The following MGAT4C variants were observed in gnomAD, a reference collection of about 807,000 sequenced individuals.
The protein encoded by MGAT4C is MGAT4 family member C, also known as alpha-1,3-mannosyl-glycoprotein 4-beta-N-acetylglucosaminyltransferase C.
In MGAT4C, 19 loss-of-function variants were observed where a neutral mutation model predicts 40.1. That is an observed-to-expected ratio of 0.47 (90% CI 0.33 to 0.70). MGAT4C has a LOEUF of 0.70. Among genes scored for constraint, MGAT4C ranks in the 30% least tolerant of loss-of-function variants. The pLI, the probability that MGAT4C is intolerant of heterozygous loss-of-function variation, is 0.02. For missense variants in MGAT4C, 491 were observed against 563.2 expected, an observed-to-expected ratio of 0.87 and a Z score of 1.30; for synonymous variants, 181 against 187.1, an observed-to-expected ratio of 0.97 and a Z score of 0.27.
intron 3 of MGAT4C, among the ~76,000 whole-genome samples, chr12:86,421,553 A>G (rs1055556550): frequency 6.6e-6 from 1 of 152,116 alleles, no homozygotes; most frequent in Non-Finnish European, 1.5e-5. Context: ...AGGGGGATCA[A>G]TTGAGGTCAG....
chr12:86,497,086 A>C (rs927574764), intron 2 of MGAT4C, among the ~76,000 whole-genome samples: 14 of 152,056 alleles, frequency 9.2e-5, no homozygotes, highest in African/African-American at 2.9e-4. Flanking sequence ...ACAAAAATGC[A>C]AATATTTTCA....
intron 2 of MGAT4C, among the ~76,000 whole-genome samples, chr12:86,587,038 C>T (rs1301302786): frequency 6.6e-6 from 1 of 151,992 alleles, no homozygotes; most frequent in Non-Finnish European, 1.5e-5. Context: ...ATGCCTATGT[C>T]CTGAATGGTA....
intron 2 of MGAT4C, among the ~76,000 whole-genome samples, chr12:86,537,138 G>T (rs565786190): frequency 6.6e-6 from 1 of 151,756 alleles, no homozygotes; most frequent in African/African-American, 2.4e-5. Context: ...ACCAAACACC[G>T]CATGTTCTCA....
chr12:86,784,366 T>A (rs943381096), intron 1 of MGAT4C, among the ~76,000 whole-genome samples: 7 of 152,102 alleles, frequency 4.6e-5, no homozygotes, highest in Non-Finnish European at 8.8e-5. Flanking sequence ...CCTTCATTAC[T>A]CTTGTATTTT....
At chr12:86,138,477 C>CCATATATATATTTCCATAAATATAT (rs1882303814) in intron 1 of MGAT4C, among the ~76,000 whole-genome samples, 2 of 125,058 alleles carry the variant, frequency 1.6e-5, no homozygotes, top group African/African-American at 5.9e-5. Context: ...CCATATATAT[C>CCATATATATATTTCCATAAATATAT]CATATATATA....
At chr12:86,758,375 C>CTTTT (rs55666476) in intron 1 of MGAT4C, among the ~76,000 whole-genome samples, 1 of 122,516 alleles carries the variant, frequency 8.2e-6, no homozygotes, top group African/African-American at 3.4e-5. Context: ...TGTCCGAATC[C>CTTTT]TTTTTTTTTT....
At chr12:86,298,905 T>C (rs1953744456) in intron 4 of MGAT4C, among the ~76,000 whole-genome samples, 1 of 149,908 alleles carries the variant, frequency 6.7e-6, no homozygotes, top group Non-Finnish European at 1.5e-5. Flanking sequence ...AATTTATTTA[T>C]ATTTTCTATA....
At chr12:86,536,043 A>C (rs929276755) in intron 2 of MGAT4C, among the ~76,000 whole-genome samples, 7 of 152,144 alleles carry the variant, frequency 4.6e-5, no homozygotes, top group African/African-American at 7.2e-5. Flanking sequence ...TTTAAAAGAT[A>C]ATAATGAGTA....
At chr12:86,736,763 C>A (rs1270346684) in intron 1 of MGAT4C, among the ~76,000 whole-genome samples, 1 of 151,792 alleles carries the variant, frequency 6.6e-6, no homozygotes, top group East Asian at 1.9e-4. Context: ...GAAAGAAAAT[C>A]ATTTAAAAGA....
intron 1 of MGAT4C, among the ~76,000 whole-genome samples, chr12:86,781,656 C>T (rs924943154): frequency 6.6e-6 from 1 of 152,090 alleles, no homozygotes; most frequent in African/African-American, 2.4e-5. Flanking sequence ...ATGACAACAT[C>T]CCTGTCCTCA....
intron 2 of MGAT4C, among the ~76,000 whole-genome samples, chr12:86,507,095 ATTAT>A (rs1213041228): frequency 6.6e-6 from 1 of 152,202 alleles, no homozygotes; most frequent in Non-Finnish European, 1.5e-5. Flanking sequence ...TTTTAAAGTT[ATTAT>A]GGCAAACAAC....
intron 1 of MGAT4C, among the ~76,000 whole-genome samples, chr12:86,792,739 G>T (rs1247088807): frequency 1.3e-5 from 2 of 151,974 alleles, no homozygotes; most frequent in African/African-American, 4.8e-5. Flanking sequence ...CAAGACCAGC[G>T]CAAACAACAT....
At chr12:86,168,381 A>G (rs753680497) in intron 1 of MGAT4C, among the ~76,000 whole-genome samples, 25 of 152,210 alleles carry the variant, frequency 1.6e-4, no homozygotes, top group Non-Finnish European at 3.4e-4. Flanking sequence ...AGCATCACTT[A>G]TTCAGCATTT....
At chr12:86,688,044 T>G (rs1950104529) in intron 2 of MGAT4C, among the ~76,000 whole-genome samples, 1 of 152,294 alleles carries the variant, frequency 6.6e-6, no homozygotes, top group East Asian at 1.9e-4. Context: ...TTATTTAGGA[T>G]AGTTAGTTCT....
chr12:86,076,258 A>T (rs1233635288), intron 1 of MGAT4C, among the ~76,000 whole-genome samples: 1 of 152,172 alleles, frequency 6.6e-6, no homozygotes, highest in Non-Finnish European at 1.5e-5. Flanking sequence ...GTTCCCAACA[A>T]GTTCCTCATC....
intron 3 of MGAT4C, among the ~76,000 whole-genome samples, chr12:86,390,649 A>G (rs1956145907): frequency 6.6e-6 from 1 of 152,200 alleles, no homozygotes; most frequent in African/African-American, 2.4e-5. Context: ...TGCCAGTTTC[A>G]TCCCAAAATT....
intron 1 of MGAT4C, among the ~76,000 whole-genome samples, chr12:86,054,379 G>A (rs909223199): frequency 6.6e-6 from 1 of 151,986 alleles, no homozygotes; most frequent in African/African-American, 2.4e-5. Flanking sequence ...AAGCTGAACT[G>A]ATAAAAGTAA....
At chr12:86,656,005 C>T (rs1159142988) in intron 2 of MGAT4C, among the ~76,000 whole-genome samples, 1 of 151,806 alleles carries the variant, frequency 6.6e-6, no homozygotes, top group African/African-American at 2.4e-5. Context: ...CATTACTTTG[C>T]CTGATAAGTT....
chr12:86,369,203 G>A (rs1955670681), intron 3 of MGAT4C, among the ~76,000 whole-genome samples: 1 of 151,674 alleles, frequency 6.6e-6, no homozygotes, highest in Admixed American at 6.6e-5. Flanking sequence ...CCATTGCATG[G>A]AATATCCTTT....
Sources: gnomAD v4.1 joint callset for allele counts (sites outside exome capture counted in the v4.1 genomes callset) on GRCh38, gnomAD v4.1.1 for gene constraint, MANE v1.5 for transcripts, NCBI Gene and HGNC (gene_info 2026-07-23, HGNC 2026-07-21) for gene names.